PTDSS1: variants seen among roughly 807,000 people sequenced by gnomAD.
PTDSS1 encodes the protein phosphatidylserine synthase 1.
A neutral mutation model predicts 70.5 loss-of-function variants in PTDSS1; 45 were observed. That is an observed-to-expected ratio of 0.64 (90% CI 0.50 to 0.82). PTDSS1 has a LOEUF of 0.82. Among genes scored for constraint, PTDSS1 ranks in the 40% least tolerant of loss-of-function variants. The pLI is 0.00. For synonymous variants in PTDSS1, 188 were observed against 203.8 expected (o/e 0.92, Z 0.66); for missense variants, 417 against 586.1 (o/e 0.71, Z 2.98).
intron 10 of PTDSS1, among the ~76,000 whole-genome samples, chr8:96,322,702 A>G (rs1390614891): frequency 6.6e-6 from 1 of 152,160 alleles, no homozygotes; most frequent in Non-Finnish European, 1.5e-5. Context: ...AAATACATTC[A>G]TTTCATGCCA....
Position 96,320,242 on chromosome 8 carries a change from T to C in PTDSS1, c.1074-4T>C. Reference sequence around the variant, plus strand: ...TACTTAACCTCTGTTCTCTGTCTAATTAGGGTCATTGGTTTCCTGGAGGCC... The same window carrying C: ...TACTTAACCTCTGTTCTCTGTCTAACTAGGGTCATTGGTTTCCTGGAGGCC... On this transcript the variant is annotated splice_region_variant and splice_polypyrimidine_tract_variant and intron_variant, in intron 9 of 12. Transcript: ENST00000517309. The C allele has an allele frequency of 6.3e-7, 1 of 1,592,244 alleles. No homozygotes were observed. The highest frequency in any genetic ancestry group is 1.1e-5 in the South Asian group (1 of 90,652).
chr8:96,278,975 T>TCC (rs1810691955), intron 2 of PTDSS1, among the ~76,000 whole-genome samples: 2 of 147,130 alleles, frequency 1.4e-5, no homozygotes, highest in African/African-American at 5.0e-5. Context: ...AGCCCCCCTT[T>TCC]TTTTTTTTTT....
In PTDSS1 at chr8:96,262,048, C is replaced by T. The variant is rs748205802; in HGVS notation, c.8C>T (p.Ser3Phe). The T allele has an allele frequency of 3.1e-6, 5 of 1,612,220 alleles. No individual in the cohort carries two copies. In the African/African-American group the frequency reaches 5.3e-5, roughly 17 times the overall value. Reference sequence around the variant, plus strand: ...AGGACGGGGAGGCGGGCCATGGCGTCCTGCGTGGGGAGCCGGACCCTAAGC... The same window carrying T: ...AGGACGGGGAGGCGGGCCATGGCGTTCTGCGTGGGGAGCCGGACCCTAAGC... MA[S>F]CVGSRTLSKD... Residue 3 changes from serine to phenylalanine, a missense_variant, in exon 1 of 13, where the codon TCC (serine) becomes TTC (phenylalanine). Ser to Phe is a radical substitution (Grantham distance 155). Around this residue, in one of 3 missense-constraint regions of PTDSS1, gnomAD observed 38 missense variants for 34.3 expected, o/e 1.11. Coordinates refer to ENST00000517309, the MANE Select transcript of PTDSS1 (RefSeq NM_014754.3). This position sits in a 1 kb window ranked among gnomAD's most constrained non-coding sequence, Gnocchi z 4.4.
chr8:96,274,053 C>T (rs562766741), intron 2 of PTDSS1, among the ~76,000 whole-genome samples: 3 of 152,110 alleles, frequency 2.0e-5, no homozygotes, highest in Non-Finnish European at 4.4e-5. Flanking sequence ...TTTCTTTTCT[C>T]TTATTCCCTT....
At chr8:96,310,885 T>C (rs1156255239) in intron 9 of PTDSS1, among the ~76,000 whole-genome samples, 4 of 151,580 alleles carry the variant, frequency 2.6e-5, no homozygotes, top group African/African-American at 7.3e-5. Context: ...CCTGCCTCAG[T>C]CCCCCAAGTA....
At chr8:96,325,047 G>A (rs968358857) in intron 10 of PTDSS1, among the ~76,000 whole-genome samples, 6 of 152,272 alleles carry the variant, frequency 3.9e-5, no homozygotes, top group East Asian at 1.9e-4. Context: ...GATAGATGAC[G>A]GTGATAAGAT....
At chr8:96,296,078 C>T (rs968867169) in intron 5 of PTDSS1, among the ~76,000 whole-genome samples, 30 of 151,568 alleles carry the variant, frequency 2.0e-4, no homozygotes, top group Non-Finnish European at 3.8e-4. Context: ...GATGCATGAC[C>T]CCTTCCTGGT....
chr8:96,333,858 T>A lies in PTDSS1; in HGVS notation c.*292T>A. ...GTTGAAGGGAAACGGTAGCTATTCA[T>A]TCACAGTTGCCAAGAGCAGCTCCGC... On this transcript the variant is annotated 3_prime_UTR_variant, in exon 13 of 13. Transcript: ENST00000517309. The A allele has an allele frequency of 3.1e-6, 2 of 642,610 alleles. No individual in the cohort carries two copies. Among genetic ancestry groups the A allele is most frequent in the Non-Finnish European group, 5.6e-6 (2 of 356,152 alleles). 39.8% of individuals were successfully genotyped at this position (642,610 alleles called of 1,614,324 possible).
At chr8:96,306,213 A>G (rs1018173841) in intron 7 of PTDSS1, among the ~76,000 whole-genome samples, 4 of 152,150 alleles carry the variant, frequency 2.6e-5, no homozygotes, top group African/African-American at 4.8e-5. Context: ...CTGTTCCCCT[A>G]TGTGCCCATC....
Position 96,273,386 on chromosome 8 carries a change from C to T in PTDSS1, c.267C>T (p.Pro89=), listed in dbSNP as rs754166930. The T allele has an allele frequency of 6.2e-7, 1 of 1,607,568 alleles. No homozygotes were observed. The highest frequency in any genetic ancestry group is 8.5e-7 in the Non-Finnish European group (1 of 1,175,920). The change falls in exon 2 of 13, where the codon CCC becomes CCT. Residue 89 remains proline, a synonymous_variant. Coordinates refer to ENST00000517309, the MANE Select transcript of PTDSS1 (RefSeq NM_014754.3). ...TTATCATCAGTGTGTTAGCTTTCCC[C>T]AATGGTAAGTAATGTCATGCATTAC... ...FFLIISVLAF[P]NGPFTRPHPA...
chr8:96,272,605 C>G (rs1810582285), intron 1 of PTDSS1, among the ~76,000 whole-genome samples: 1 of 152,144 alleles, frequency 6.6e-6, no homozygotes, highest in Admixed American at 6.5e-5. Context: ...TTAGCAATGT[C>G]TTACCTACAC....
chr8:96,289,868 G>A (rs1810877039), intron 4 of PTDSS1, among the ~76,000 whole-genome samples: 1 of 152,192 alleles, frequency 6.6e-6, no homozygotes, highest in Non-Finnish European at 1.5e-5. Flanking sequence ...AGTCTTGGGG[G>A]AGAAAGTCTG....
chr8:96,297,977 C>G (rs1327088312), intron 5 of PTDSS1, among the ~76,000 whole-genome samples: 1 of 152,230 alleles, frequency 6.6e-6, no homozygotes, highest in Non-Finnish European at 1.5e-5. Flanking sequence ...CATCTCACCC[C>G]CAGAACCTGG....
chr8:96,304,841 C>T (rs1168331480), intron 7 of PTDSS1, among the ~76,000 whole-genome samples: 2 of 152,232 alleles, frequency 1.3e-5, no homozygotes, highest in Non-Finnish European at 1.5e-5. Flanking sequence ...GGGAAACCAG[C>T]TTTTGCCTGA....
chr8:96,295,097 G>A lies in PTDSS1; in HGVS notation c.442-1G>A, dbSNP rs1273677773. 6.2e-7 allele frequency: 1 copy of A among 1,609,742 alleles called. No homozygotes were observed. The highest frequency in any genetic ancestry group is 1.7e-5 in the Admixed American group (1 of 59,220). On this transcript the variant is annotated splice_acceptor_variant, in intron 4 of 12. Coordinates refer to ENST00000517309, the MANE Select transcript of PTDSS1 (RefSeq NM_014754.3). LOFTEE classifies it high-confidence loss of function. Reference sequence around the variant, plus strand: ...ATTATTCTCTTTTTTATTTTAAATAGGAGTATGCTGTGAACTGCCATGTGA... The same window carrying A: ...ATTATTCTCTTTTTTATTTTAAATAAGAGTATGCTGTGAACTGCCATGTGA...
intron 11 of PTDSS1, 92 bp downstream of exon 11, chr8:96,330,373 C>T (rs551667367): frequency 5.4e-5 from 69 of 1,271,910 alleles, no homozygotes; most frequent in East Asian, 4.6e-4. Flanking sequence ...AAGGATATGG[C>T]GAGGTAAACA....
In PTDSS1 at chr8:96,333,552, G is replaced by T. The variant is rs748159287; in HGVS notation, c.1408G>T (p.Val470Phe). 2 of 1,609,974 alleles carry T rather than the reference G, an allele frequency of 1.2e-6. No homozygotes were observed. Among genetic ancestry groups the T allele is most frequent in the South Asian group, 1.1e-5 (1 of 90,974 alleles). Residue 470 changes from valine to phenylalanine, a missense_variant, in exon 13 of 13, where the codon GTT becomes TTT. By Grantham distance (50) the Val-to-Phe change is conservative (BLOSUM62 -1). Around this residue, in one of 3 missense-constraint regions of PTDSS1, gnomAD observed 107 missense variants for 122.3 expected, o/e 0.88. Transcript: ENST00000517309. The part of the protein sequence containing the change: ...RHSKSKVTNG[V>F]GKK ...TTCCAAGTCAAAAGTCACCAATGGCGTTGGAAAGAAATGAAAAACCCTGGT... is the reference window on the plus strand; with the variant it reads ...TTCCAAGTCAAAAGTCACCAATGGCTTTGGAAAGAAATGAAAAACCCTGGT...
rs1420659152 is a variant in PTDSS1 at position 96,333,779 on chromosome 8, G to A, written c.*213G>A. On this transcript the variant is annotated 3_prime_UTR_variant, in exon 13 of 13. Transcript: ENST00000517309. ...CGCCTGGGGGGCCTTTGCCAACGTG[G>A]GGTCTCTTCTAACTTCAGCACTTGA... 1 of 703,510 alleles carries A rather than the reference G, an allele frequency of 1.4e-6. No homozygotes were observed. The highest frequency in any genetic ancestry group is 2.0e-5 in the Admixed American group (1 of 49,750). 43.6% of individuals were successfully genotyped at this position (703,510 alleles called of 1,614,324 possible). A position where few individuals can be genotyped will look rare whatever the true frequency, so the allele number is the denominator to read the frequency against.
At chr8:96,324,646 A>G (rs1811414646) in intron 10 of PTDSS1, among the ~76,000 whole-genome samples, 1 of 152,130 alleles carries the variant, frequency 6.6e-6, no homozygotes, top group African/African-American at 2.4e-5. Context: ...TCCCAAGATA[A>G]CAGCCTGAAT....
Sources: allele counts gnomAD v4.1 joint callset (sites outside exome capture counted in the v4.1 genomes callset), GRCh38; gene constraint gnomAD v4.1.1; regional missense constraint gnomAD v4.1.1; non-coding constraint Gnocchi (gnomAD v3.1); transcripts MANE v1.5; gene names NCBI Gene and HGNC (gene_info 2026-07-23, HGNC 2026-07-21).